PCDH15: variants seen among roughly 807,000 people sequenced by gnomAD.
The protein encoded by PCDH15 is protocadherin related 15.
In PCDH15, 129 loss-of-function variants were observed where a neutral mutation model predicts 178.5. The ratio of observed to expected loss-of-function variants is 0.72; its 90% CI spans 0.63 to 0.84. The LOEUF is 0.84. Ranked by LOEUF, PCDH15 falls within the 40% of genes least tolerant of loss-of-function variation. PCDH15 has a pLI of 0.00. For missense variants in PCDH15, 2,230 were observed against 2,099.9 expected, an observed-to-expected ratio of 1.06 and a Z score of -1.21; for synonymous variants, 800 against 732.0, an observed-to-expected ratio of 1.09 and a Z score of -1.50.
At chr10:54,180,880 T>G (rs2047925675) in intron 13 of PCDH15, among the ~76,000 whole-genome samples, 1 of 152,108 alleles carries the variant, frequency 6.6e-6, no homozygotes, top group Non-Finnish European at 1.5e-5. Context: ...TTCAGGAAAA[T>G]ATATAAAAGT....
rs766681490 is a variant in PCDH15, at chr10:53,959,841, C to T, written c.3013G>A (p.Val1005Met). 5 of 1,612,264 alleles carry T rather than the reference C, an allele frequency of 3.1e-6. No individual in the cohort carries two copies. The South Asian group carries it at 3.3e-5, about 11-fold the overall frequency. Residue 1005 changes from valine to methionine, a missense_variant, in exon 23 of 38, where the codon GTG becomes ATG. Transcript: ENST00000644397. Reference sequence around the variant, plus strand: ...TCCCCATCATCAAAAGCAACCACCACCAACTTAAAAAGCAATAAAAATTCA... The same window carrying T: ...TCCCCATCATCAAAAGCAACCACCATCAACTTAAAAAGCAATAAAAATTCA... Reference protein sequence around the residue: ...NEEPTTIFKLVVVAFDDGEPV... With the variant: ...NEEPTTIFKLMVVAFDDGEPV...
chr10:54,759,098 G>A (rs1190095838), intron 1 of PCDH15, among the ~76,000 whole-genome samples: 1 of 151,692 alleles, frequency 6.6e-6, no homozygotes, highest in Non-Finnish European at 1.5e-5. Flanking sequence ...CTACTTCTCA[G>A]CATCCTTATA....
intron 1 of PCDH15, among the ~76,000 whole-genome samples, chr10:55,301,291 T>G (rs1156442372): frequency 2.0e-5 from 3 of 152,194 alleles, no homozygotes; most frequent in African/African-American, 7.2e-5. Flanking sequence ...TTACTTATTG[T>G]ATCCATTCTG....
At chr10:54,272,225 C>T (rs1319041885) in intron 8 of PCDH15, among the ~76,000 whole-genome samples, 8 of 151,144 alleles carry the variant, frequency 5.3e-5, no homozygotes, top group African/African-American at 1.7e-4. Flanking sequence ...TAAGAGGTAC[C>T]GAGGATATTA....
intron 22 of PCDH15, among the ~76,000 whole-genome samples, chr10:53,961,297 T>C (rs1176109136): frequency 3.3e-5 from 5 of 152,082 alleles, no homozygotes; most frequent in Admixed American, 3.3e-4. Context: ...CATGATAGCA[T>C]TTATTGTAAC....
chr10:55,480,715 C>T (rs1347573188), intron 2 of PCDH15, among the ~76,000 whole-genome samples: 2 of 151,784 alleles, frequency 1.3e-5, no homozygotes, highest in Admixed American at 1.3e-4. Context: ...TTTTGATGTG[C>T]TGCTGGAGTC....
At chr10:55,610,137 C>T (rs1843335250) in intron 2 of PCDH15, among the ~76,000 whole-genome samples, 1 of 152,036 alleles carries the variant, frequency 6.6e-6, no homozygotes, top group Non-Finnish European at 1.5e-5. Flanking sequence ...TGGCTGAGTA[C>T]ATCAAGAAGA....
chr10:54,684,232 G>A (rs1357414184), intron 1 of PCDH15, among the ~76,000 whole-genome samples: 1 of 151,736 alleles, frequency 6.6e-6, no homozygotes, highest in Non-Finnish European at 1.5e-5. Flanking sequence ...AATACGAAGA[G>A]GTTGTAAACA....
Position 53,807,070 on chromosome 10 carries a change from C to T in PCDH15, c.4732G>A (p.Gly1578Arg). Reference protein sequence around the residue: ...VDREYETSSTGEDSAPECQRN... With the variant: ...VDREYETSSTREDSAPECQRN... The stretch of plus-strand genomic sequence containing the variant: ...TGACATTCAGGAGCACTGTCTTCTC[C>T]AGTTGAGCTGGTTTCATACTCTCGA... Residue 1578 changes from glycine (G) to arginine (R), a missense_variant, in exon 38 of 38, where the codon GGA (glycine) becomes AGA (arginine). By Grantham distance (125) the Gly-to-Arg change is moderately radical. Transcript: ENST00000644397. 6.2e-7 allele frequency: 1 copy of T among 1,612,038 alleles called. No homozygotes were observed. The highest frequency in any genetic ancestry group is 8.5e-7 in the Non-Finnish European group (1 of 1,179,596).
chr10:54,599,966 C>A, intron 2 of PCDH15: 1 of 1,118,960 alleles, frequency 8.9e-7, no homozygotes, highest in Non-Finnish European at 1.3e-6. Flanking sequence ...GTGGAAAAGC[C>A]AGAAAAAGCC....
At chr10:54,182,218 C>T (rs1207143324) in intron 13 of PCDH15, among the ~76,000 whole-genome samples, 2 of 152,204 alleles carry the variant, frequency 1.3e-5, no homozygotes, top group Non-Finnish European at 2.9e-5. Flanking sequence ...CCGCTCGCCT[C>T]GGCCTCCCAA....
chr10:54,074,477 G>C (rs2094303419), intron 17 of PCDH15, among the ~76,000 whole-genome samples: 1 of 152,054 alleles, frequency 6.6e-6, no homozygotes, highest in Non-Finnish European at 1.5e-5. Context: ...ATCTCACTTA[G>C]CATAATGTTC....
At chr10:54,411,448 C>G (rs951677984) in intron 3 of PCDH15, among the ~76,000 whole-genome samples, 3 of 152,158 alleles carry the variant, frequency 2.0e-5, no homozygotes, top group Admixed American at 1.3e-4. Flanking sequence ...GATCTAGACT[C>G]AGAATGTGGG....
At position 54,166,258 on chromosome 10, in the gene PCDH15, A is replaced by T. The variant is rs534338694; in HGVS notation, c.1591-12965T>A. Among the ~76,000 whole-genome samples, 13 of 152,276 alleles carry T rather than the reference A, an allele frequency of 8.5e-5. No homozygotes were observed. In the South Asian group the frequency reaches 2.5e-3, roughly 29 times the overall value. ...TTAGTGCTCTTAGTCTTTCTCATCAAATTTAACAACTCAATAATTGTGATG... is the reference window on the plus strand; with the variant it reads ...TTAGTGCTCTTAGTCTTTCTCATCATATTTAACAACTCAATAATTGTGATG... On this transcript the variant is annotated intron_variant, in intron 13 of 37. Transcript: ENST00000644397.
intron 1 of PCDH15, among the ~76,000 whole-genome samples, chr10:54,787,601 C>A (rs1250670288): frequency 6.6e-6 from 1 of 151,936 alleles, no homozygotes; most frequent in Non-Finnish European, 1.5e-5. Flanking sequence ...GAGTGCAGAA[C>A]ATGACAGGAT....
intron 1 of PCDH15, among the ~76,000 whole-genome samples, chr10:54,782,942 T>C (rs988844316): frequency 1.3e-5 from 2 of 152,058 alleles, no homozygotes; most frequent in Admixed American, 6.6e-5. Flanking sequence ...CAAAGCACTC[T>C]ACCAAACCAA....
intron 14 of PCDH15, among the ~76,000 whole-genome samples, chr10:54,139,127 A>C (rs1462515304): frequency 6.6e-6 from 1 of 152,184 alleles, no homozygotes; most frequent in Non-Finnish European, 1.5e-5. Flanking sequence ...ATGGTTTGGC[A>C]TAGAAGGTTA....
At chr10:54,915,983 C>T (rs1046881023) in intron 2 of PCDH15, among the ~76,000 whole-genome samples, 10 of 152,136 alleles carry the variant, frequency 6.6e-5, no homozygotes, top group African/African-American at 1.7e-4. Context: ...CACCTGCAAC[C>T]GTGCCTGGCT....
rs114920888 is a variant in PCDH15, at chr10:54,057,465, T to C, written c.2220+9292A>G. ...GCCAAGACTTGGGGCTTGTAACCTC[T>C]GAAGCCCTGGCCTGAGCTATACCTT... On this transcript the variant is annotated intron_variant, in intron 18 of 37. Transcript: ENST00000644397. Among the ~76,000 whole-genome samples the C allele has an allele frequency of 9.7e-3, 1,477 of 152,326 alleles. 27 individuals carry two copies. The highest frequency in any genetic ancestry group is 0.034 in the African/African-American group (1,400 of 41,574).
Sources: gnomAD v4.1 joint callset for allele counts (sites outside exome capture counted in the v4.1 genomes callset) on GRCh38, gnomAD v4.1.1 for gene constraint, MANE v1.5 for transcripts, NCBI Gene and HGNC (gene_info 2026-07-23, HGNC 2026-07-21) for gene names.